DYNLL1: variants seen among roughly 807,000 people sequenced by gnomAD.
DYNLL1 encodes dynein light chain LC8-type 1.
Under a neutral mutation model 10.1 loss-of-function variants are expected in DYNLL1, and 3 were observed. The ratio of observed to expected loss-of-function variants is 0.30; its 90% CI spans 0.14 to 0.77. The LOEUF (loss-of-function observed/expected upper bound fraction) is 0.77. Among genes scored for constraint, DYNLL1 ranks in the 30% least tolerant of loss-of-function variants. The pLI, the probability that DYNLL1 is intolerant of heterozygous loss-of-function variation, is 0.66. For synonymous variants in DYNLL1, 46 were observed against 41.2 expected, an observed-to-expected ratio of 1.12 and a Z score of -0.45; for missense variants, 47 against 111.7, an observed-to-expected ratio of 0.42 and a Z score of 2.61.
In DYNLL1 at chr12:120,496,321, G is replaced by T. The variant is rs1189717606; in HGVS notation, c.-6-95G>T. 3 of 1,523,074 alleles carry T rather than the reference G, an allele frequency of 2.0e-6. No homozygotes were observed. In the African/African-American group the frequency reaches 4.1e-5, roughly 21 times the overall value. 94.3% of individuals were successfully genotyped at this position (1,523,074 alleles called of 1,614,324 possible). A position where few individuals can be genotyped will look rare whatever the true frequency, so the allele number is the denominator to read the frequency against. On this transcript the variant is annotated intron_variant, in intron 1 of 2. Coordinates refer to ENST00000242577, the MANE Select transcript of DYNLL1 (RefSeq NM_003746.3). ...CGCTTCCTGAGAAGTGGGGTGGGGGGCGTCGTCCCGTGGTGGCGCCGGCCG... is the reference window on the plus strand; with the variant it reads ...CGCTTCCTGAGAAGTGGGGTGGGGGTCGTCGTCCCGTGGTGGCGCCGGCCG...
At chr12:120,470,172 G>C (rs1878612773) in intron 1 of DYNLL1, 1 of 152,552 alleles carries the variant, frequency 6.6e-6, no homozygotes, top group Non-Finnish European at 1.5e-5. Flanking sequence ...GTCAGCATGA[G>C]ATGGACTCCA....
At chr12:120,496,654 C>T (rs1868423866) in intron 2 of DYNLL1, 101 bp downstream of exon 2, 1 of 1,601,098 alleles carries the variant, frequency 6.2e-7, no homozygotes, top group African/African-American at 1.3e-5. Flanking sequence ...GGGAATACTG[C>T]TGGCGGCTTG....
intron 1 of DYNLL1, among the ~76,000 whole-genome samples, chr12:120,489,304 T>C (rs926421288): frequency 2.0e-5 from 3 of 152,170 alleles, no homozygotes; most frequent in Non-Finnish European, 2.9e-5. Flanking sequence ...GAATATCTAA[T>C]AGGCATCTCA....
At chr12:120,476,161 T>C (rs1038791154) in intron 1 of DYNLL1, among the ~76,000 whole-genome samples, 2 of 152,200 alleles carry the variant, frequency 1.3e-5, no homozygotes, top group African/African-American at 4.8e-5. Context: ...AGGATGCATT[T>C]ATTTAGTAGA....
intron 1 of DYNLL1, among the ~76,000 whole-genome samples, chr12:120,484,124 G>A (rs1878942510): frequency 6.6e-6 from 1 of 152,120 alleles, no homozygotes; most frequent in Admixed American, 6.6e-5. Flanking sequence ...ACAGGAGAAT[G>A]TGTAGGCAAG....
intron 2 of DYNLL1, 42 bp from the exon 3 acceptor site, chr12:120,498,031 C>T (rs1446320368): frequency 6.3e-7 from 1 of 1,595,822 alleles, no homozygotes; most frequent in Admixed American, 1.7e-5. Context: ...ACACTGACCT[C>T]TGGTAATTAA....
chr12:120,486,389 TG>T (rs1878994603), intron 1 of DYNLL1, among the ~76,000 whole-genome samples: 1 of 152,224 alleles, frequency 6.6e-6, no homozygotes, highest in Non-Finnish European at 1.5e-5. Context: ...CCAAGGGTTC[TG>T]CTCTTACCGA....
chr12:120,475,775 C>T (rs1222501547), intron 1 of DYNLL1, among the ~76,000 whole-genome samples: 1 of 152,136 alleles, frequency 6.6e-6, no homozygotes, highest in Non-Finnish European at 1.5e-5. Context: ...GCTGTACTCC[C>T]CCATTCCCCC....
At chr12:120,482,963 C>T (rs1287408171) in intron 1 of DYNLL1, among the ~76,000 whole-genome samples, 1 of 151,892 alleles carries the variant, frequency 6.6e-6, no homozygotes, top group African/African-American at 2.4e-5. Flanking sequence ...TGCCTGTGGT[C>T]CCAGCTACTC....
chr12:120,496,250 C>A, intron 1 of DYNLL1, 34 bp downstream of exon 1: 2 of 1,007,468 alleles, frequency 2.0e-6, no homozygotes, highest in Non-Finnish European at 2.9e-6. Context: ...GGTGTCCTCG[C>A]TGCCTTATTT....
intron 1 of DYNLL1, chr12:120,490,769 T>G (rs1230792330): frequency 6.6e-6 from 1 of 152,132 alleles, no homozygotes; most frequent in African/African-American, 2.4e-5. Flanking sequence ...CATCCTCAAA[T>G]GCATAGGACA....
intron 1 of DYNLL1, among the ~76,000 whole-genome samples, chr12:120,479,121 A>G (rs1476279768): frequency 4.7e-5 from 7 of 150,338 alleles, no homozygotes; most frequent in African/African-American, 1.5e-4. Context: ...TCGAGAACAC[A>G]CCACTGCACA....
At chr12:120,485,484 G>C (rs976223955) in intron 1 of DYNLL1, among the ~76,000 whole-genome samples, 1 of 151,490 alleles carries the variant, frequency 6.6e-6, no homozygotes, top group East Asian at 2.0e-4. Context: ...TTGAACTCCC[G>C]ACCTCGTGAT....
At chr12:120,493,937 G>A (rs372187259), upstream of DYNLL1, 24 of 151,968 alleles carry the variant, frequency 1.6e-4, no homozygotes, top group East Asian at 3.9e-3. Context: ...TATTATTAAT[G>A]AACAATTACA....
intron 1 of DYNLL1, among the ~76,000 whole-genome samples, chr12:120,479,449 C>CAAG (rs1878828986): frequency 1.3e-5 from 1 of 76,116 alleles, no homozygotes; most frequent in Non-Finnish European, 2.6e-5. Context: ...ACTCCGTCTC[C>CAAG]AAAAAAAAAA....
upstream of DYNLL1, chr12:120,496,043 G>T (rs1167704): frequency 0.29 from 103,534 of 353,174 alleles, 16,996 homozygotes; most frequent in Admixed American, 0.39. Flanking sequence ...GTCGCGCGGC[G>T]AGGGGCGGGG....
intron 2 of DYNLL1, 165 bp downstream of exon 2, chr12:120,496,718 A>G (rs1868425879): frequency 4.7e-6 from 5 of 1,067,856 alleles, no homozygotes; most frequent in Non-Finnish European, 6.7e-6. Context: ...CCTGTGGAGA[A>G]GACCAGACCC....
intron 1 of DYNLL1, among the ~76,000 whole-genome samples, chr12:120,486,737 G>A (rs908709897): frequency 1.1e-4 from 16 of 152,002 alleles, no homozygotes; most frequent in Admixed American, 2.6e-4. Flanking sequence ...CTCCCAAAGC[G>A]CTAGGATTAT....
chr12:120,493,394 G>A (rs545091968), upstream of DYNLL1, among the ~76,000 whole-genome samples: 12 of 151,828 alleles, frequency 7.9e-5, no homozygotes, highest in South Asian at 2.1e-4. Context: ...AAAATTAGCC[G>A]GGCATGGTGG....
Sources: allele counts gnomAD v4.1 joint callset (sites outside exome capture counted in the v4.1 genomes callset), GRCh38; gene constraint gnomAD v4.1.1; transcripts MANE v1.5; gene names NCBI Gene and HGNC (gene_info 2026-07-23, HGNC 2026-07-21).